The following IQCM variants were observed in gnomAD, a reference collection of about 807,000 sequenced individuals.
The protein encoded by IQCM is IQ motif containing M.
Under a neutral mutation model 57.6 loss-of-function variants are expected in IQCM, and 45 were observed. The ratio of observed to expected loss-of-function variants is 0.78; its 90% CI spans 0.62 to 1.00. The LOEUF (loss-of-function observed/expected upper bound fraction) is 1.00, where lower values mean the gene tolerates loss of function less well. IQCM is among the 50% of genes least tolerant of loss of function. IQCM has a pLI of 0.00. For synonymous variants in IQCM, 148 were observed against 158.9 expected (o/e 0.93, Z 0.51); for missense variants, 468 against 511.6 (o/e 0.91, Z 0.82).
chr4:149,781,587 T>C (rs1297774360), intron 2 of IQCM, among the ~76,000 whole-genome samples: 6 of 152,228 alleles, frequency 3.9e-5, no homozygotes, highest in Non-Finnish European at 8.8e-5. Context: ...TATTATTAGT[T>C]ATTGTTAATC....
At chr4:149,523,362 CA>C (rs1377980643) in intron 12 of IQCM, among the ~76,000 whole-genome samples, 2 of 151,902 alleles carry the variant, frequency 1.3e-5, no homozygotes, top group African/African-American at 4.8e-5. Context: ...TTCTCATCAA[CA>C]ACATAGGAAG....
chr4:149,776,933 T>A (rs558752753), intron 2 of IQCM, among the ~76,000 whole-genome samples: 66 of 152,314 alleles, frequency 4.3e-4, no homozygotes, highest in Admixed American at 1.6e-3. Flanking sequence ...GAAATTTTTC[T>A]AATTTCTGTC....
chr4:149,375,670 T>C (rs916428695), intron 13 of IQCM, among the ~76,000 whole-genome samples: 2 of 152,192 alleles, frequency 1.3e-5, no homozygotes, highest in African/African-American at 4.8e-5. Context: ...ACAATTATCA[T>C]TGCTATTTTC....
chr4:149,759,461 C>G (rs953848186), intron 2 of IQCM, among the ~76,000 whole-genome samples: 4 of 152,088 alleles, frequency 2.6e-5, no homozygotes, highest in Admixed American at 2.6e-4. Context: ...ATATATCACT[C>G]TGGTGGGTGA....
chr4:149,645,896 C>T (rs1170703013), intron 7 of IQCM, among the ~76,000 whole-genome samples: 2 of 152,192 alleles, frequency 1.3e-5, no homozygotes, highest in East Asian at 1.9e-4. Flanking sequence ...AGGCCTCCCA[C>T]CCACAGTAGC....
chr4:149,408,893 T>C (rs1242768362), intron 13 of IQCM, among the ~76,000 whole-genome samples: 2 of 152,198 alleles, frequency 1.3e-5, no homozygotes, highest in Non-Finnish European at 2.9e-5. Context: ...AGACGTGTTT[T>C]TTTATGTCAT....
chr4:149,554,056 T>A (rs561520433), intron 10 of IQCM, among the ~76,000 whole-genome samples: 1 of 152,280 alleles, frequency 6.6e-6, no homozygotes, highest in Non-Finnish European at 1.5e-5. Flanking sequence ...AATATTTAGA[T>A]TTATTTTCCT....
chr4:149,697,783 T>A (rs1296775589), intron 5 of IQCM, among the ~76,000 whole-genome samples: 1 of 152,140 alleles, frequency 6.6e-6, no homozygotes, highest in Admixed American at 6.6e-5. Context: ...GCCAGCAGAA[T>A]GTAAGCTTCA....
rs374297609 is a variant in IQCM at position 149,741,155 on chromosome 4, C to T, written c.37+1500G>A. 1.4e-4 allele frequency among the ~76,000 whole-genome samples: 21 copies of T among 152,022 alleles called. No individual in the cohort carries two copies. In the East Asian group the frequency reaches 1.5e-3, roughly 11 times the overall value. ...AAAACACATATTCAACATTTTTTTCCGTAATACATTCTGCATTAAGACTCA... is the reference window on the plus strand; with the variant it reads ...AAAACACATATTCAACATTTTTTTCTGTAATACATTCTGCATTAAGACTCA... On this transcript the variant is annotated intron_variant, in intron 3 of 13. Coordinates refer to ENST00000636793, the MANE Select transcript of IQCM (RefSeq NM_001363507.2).
chr4:149,388,523 T>A (rs928861104), intron 13 of IQCM, among the ~76,000 whole-genome samples: 1 of 131,718 alleles, frequency 7.6e-6, no homozygotes, highest in Non-Finnish European at 1.7e-5. Context: ...ACATATATAT[T>A]ATATATATTA....
chr4:149,437,517 G>A (rs75985926), intron 12 of IQCM, among the ~76,000 whole-genome samples: 1,569 of 152,006 alleles, frequency 0.01, 32 homozygotes, highest in African/African-American at 0.036. Flanking sequence ...AGTGAGGCTC[G>A]TTATGCTTAA....
At chr4:149,538,084 A>G (rs1331174845) in intron 12 of IQCM, among the ~76,000 whole-genome samples, 2 of 151,480 alleles carry the variant, frequency 1.3e-5, no homozygotes, top group South Asian at 2.1e-4. Context: ...ATACACTTAT[A>G]TATGTTAGTT....
At chr4:149,624,046 T>G (rs758522967) in intron 7 of IQCM, among the ~76,000 whole-genome samples, 1 of 152,150 alleles carries the variant, frequency 6.6e-6, no homozygotes, top group Non-Finnish European at 1.5e-5. Context: ...TAATTCATGT[T>G]AGTGTGCTGC....
At chr4:149,388,211 T>C (rs1023956366) in intron 13 of IQCM, among the ~76,000 whole-genome samples, 13 of 151,842 alleles carry the variant, frequency 8.6e-5, no homozygotes, top group African/African-American at 3.1e-4. Flanking sequence ...GGAATGGAAT[T>C]GCTGGGTCAC....
At chr4:149,794,473 C>A (rs1349031625) in intron 2 of IQCM, among the ~76,000 whole-genome samples, 2 of 152,260 alleles carry the variant, frequency 1.3e-5, no homozygotes, top group South Asian at 4.1e-4. Context: ...GTTAAAATAT[C>A]CCATTCAGGG....
At chr4:149,469,691 A>G (rs927243447) in intron 12 of IQCM, among the ~76,000 whole-genome samples, 4 of 152,220 alleles carry the variant, frequency 2.6e-5, no homozygotes, top group Non-Finnish European at 4.4e-5. Flanking sequence ...CAAAGTTGAA[A>G]TGAAGGAAAA....
At chr4:149,371,674 G>C (rs1436932418) in intron 13 of IQCM, among the ~76,000 whole-genome samples, 1 of 152,086 alleles carries the variant, frequency 6.6e-6, no homozygotes, top group Non-Finnish European at 1.5e-5. Context: ...ACAGAAATAT[G>C]ACCTAACTGT....
intron 7 of IQCM, among the ~76,000 whole-genome samples, chr4:149,673,858 G>T (rs1278924034): frequency 6.6e-6 from 1 of 151,856 alleles, no homozygotes; most frequent in Non-Finnish European, 1.5e-5. Context: ...TCCAAAAAAG[G>T]CTAAGTTTTT....
At chr4:149,368,591 G>GT in intron 13 of IQCM, among the ~76,000 whole-genome samples, 2 of 150,688 alleles carry the variant, frequency 1.3e-5, no homozygotes, top group Non-Finnish European at 3.0e-5. Flanking sequence ...TTCTAAGCAA[G>GT]GACATGAGAG....
Sources: gnomAD v4.1 joint callset for allele counts (sites outside exome capture counted in the v4.1 genomes callset) on GRCh38, gnomAD v4.1.1 for gene constraint, MANE v1.5 for transcripts, NCBI Gene and HGNC (gene_info 2026-07-23, HGNC 2026-07-21) for gene names.